Variants in NRXN3 observed in about 807,000 individuals in gnomAD.
NRXN3 encodes the protein neurexin 3.
In NRXN3, 32 loss-of-function variants were observed where a neutral mutation model predicts 137.6. The ratio of observed to expected loss-of-function variants is 0.23; its 90% CI spans 0.18 to 0.31. The LOEUF (loss-of-function observed/expected upper bound fraction) is 0.31, where lower values mean the gene tolerates loss of function less well. Ranked by LOEUF, NRXN3 falls within the 10% of genes least tolerant of loss-of-function variation. NRXN3 has a pLI of 1.00. For missense variants in NRXN3, 1,574 were observed against 2,062.5 expected, an observed-to-expected ratio of 0.76 and a Z score of 4.59; for synonymous variants, 798 against 784.5, an observed-to-expected ratio of 1.02 and a Z score of -0.29.
chr14:79,466,828 G>C, intron 15 of NRXN3, among the ~76,000 whole-genome samples: 2 of 152,106 alleles, frequency 1.3e-5, no homozygotes, highest in East Asian at 3.9e-4. Context: ...ATAAGAGATA[G>C]GGGACTAGTT....
chr14:79,238,990 C>T (rs2073870981), intron 15 of NRXN3, among the ~76,000 whole-genome samples: 1 of 152,070 alleles, frequency 6.6e-6, no homozygotes, highest in African/African-American at 2.4e-5. Flanking sequence ...TACAGAAGCC[C>T]CCACTTTTCC....
chr14:79,471,618 G>A (rs2096508858), intron 16 of NRXN3, among the ~76,000 whole-genome samples: 1 of 152,172 alleles, frequency 6.6e-6, no homozygotes, highest in Non-Finnish European at 1.5e-5. Flanking sequence ...CCTAAAGTCA[G>A]CTCCTGTGAC....
At chr14:79,356,366 G>A (rs1440672308) in intron 15 of NRXN3, among the ~76,000 whole-genome samples, 3 of 152,112 alleles carry the variant, frequency 2.0e-5, no homozygotes, top group Admixed American at 6.5e-5. Context: ...TTTTAATGCC[G>A]CCTGCTGTGT....
chr14:78,610,064 A>C (rs1314480203), intron 4 of NRXN3, among the ~76,000 whole-genome samples: 1 of 151,980 alleles, frequency 6.6e-6, no homozygotes, highest in Non-Finnish European at 1.5e-5. Context: ...GGAGAGAGAG[A>C]AAGAAAGTGA....
At chr14:78,398,379 G>T in intron 4 of NRXN3, among the ~76,000 whole-genome samples, 1 of 151,974 alleles carries the variant, frequency 6.6e-6, no homozygotes, top group East Asian at 1.9e-4. Flanking sequence ...TGAGACTCTG[G>T]GTCTTATTTA....
chr14:79,679,243 C>T (rs1001709330), intron 17 of NRXN3, among the ~76,000 whole-genome samples: 5 of 152,018 alleles, frequency 3.3e-5, no homozygotes, highest in African/African-American at 4.8e-5. Flanking sequence ...TCTCTCTATA[C>T]ACACACACCC....
At chr14:78,876,545 T>C (rs2099114331) in intron 10 of NRXN3, among the ~76,000 whole-genome samples, 1 of 152,206 alleles carries the variant, frequency 6.6e-6, no homozygotes, top group South Asian at 2.1e-4. Context: ...GATGAATATT[T>C]AGACCCAGCA....
At chr14:79,860,974 A>G in intron 20 of NRXN3, 1 of 901,256 alleles carries the variant, frequency 1.1e-6, no homozygotes, top group Non-Finnish European at 1.6e-6. Context: ...TCTGTGAATG[A>G]CGTTGGTTGA....
At chr14:78,852,011 T>C (rs1193466903) in intron 10 of NRXN3, among the ~76,000 whole-genome samples, 1 of 152,154 alleles carries the variant, frequency 6.6e-6, no homozygotes, top group African/African-American at 2.4e-5. Context: ...TCCTTCAAAT[T>C]AAATTATTTT....
At chr14:78,341,874 C>A (rs2082180019) in intron 4 of NRXN3, among the ~76,000 whole-genome samples, 1 of 152,176 alleles carries the variant, frequency 6.6e-6, no homozygotes, top group Non-Finnish European at 1.5e-5. Flanking sequence ...TTTAGGATCC[C>A]TTCTTGAGGG....
intron 6 of NRXN3, among the ~76,000 whole-genome samples, chr14:78,685,810 CTT>C (rs76135969): frequency 4.3e-4 from 57 of 133,720 alleles, no homozygotes; most frequent in East Asian, 6.5e-4. Flanking sequence ...GTTTTTCTTT[CTT>C]TTTTTTTTTT....
intron 15 of NRXN3, among the ~76,000 whole-genome samples, chr14:79,351,377 G>A (rs1599026635): frequency 6.6e-6 from 1 of 152,196 alleles, no homozygotes; most frequent in East Asian, 1.9e-4. Flanking sequence ...GCCAGGATTG[G>A]GTTAACTACT....
intron 15 of NRXN3, among the ~76,000 whole-genome samples, chr14:79,446,553 C>A (rs1429961950): frequency 6.6e-6 from 1 of 152,026 alleles, no homozygotes; most frequent in African/African-American, 2.4e-5. Flanking sequence ...ATTTAGACAT[C>A]ATTTAGCCAG....
At chr14:79,071,216 A>ATT (rs11407318) in intron 15 of NRXN3, among the ~76,000 whole-genome samples, 12 of 151,512 alleles carry the variant, frequency 7.9e-5, no homozygotes, top group South Asian at 6.3e-4. Context: ...GAAGAAACAC[A>ATT]TTTTTTTTAA....
chr14:78,661,602 G>A (rs1216516738), intron 6 of NRXN3, among the ~76,000 whole-genome samples: 2 of 152,326 alleles, frequency 1.3e-5, no homozygotes, highest in Middle Eastern at 3.4e-3. Flanking sequence ...TGTTATCTGA[G>A]GTTGAATTAA....
chr14:79,376,686 C>G (rs1271597989), intron 15 of NRXN3, among the ~76,000 whole-genome samples: 1 of 152,130 alleles, frequency 6.6e-6, no homozygotes. Flanking sequence ...ATTGAAATTT[C>G]AGTTAACATG....
At chr14:79,067,079 G>T (rs8004154) in intron 15 of NRXN3, among the ~76,000 whole-genome samples, 146,573 of 152,240 alleles carry the variant, frequency 0.96, 70,686 homozygotes, top group Middle Eastern at 0.99. Flanking sequence ...CTTTTGCCCT[G>T]CAGTATGATA....
At chr14:79,333,524 T>A (rs985112616) in intron 15 of NRXN3, among the ~76,000 whole-genome samples, 4 of 152,186 alleles carry the variant, frequency 2.6e-5, no homozygotes, top group Non-Finnish European at 5.9e-5. Flanking sequence ...GGTGGAGTTC[T>A]TCTTCCCACC....
intron 4 of NRXN3, among the ~76,000 whole-genome samples, chr14:78,501,945 C>A (rs993402467): frequency 6.6e-6 from 1 of 152,074 alleles, no homozygotes; most frequent in Non-Finnish European, 1.5e-5. Context: ...ATGCAGCCCC[C>A]CCAGGGTCTG....
Sources: allele counts gnomAD v4.1 joint callset (sites outside exome capture counted in the v4.1 genomes callset), GRCh38; gene constraint gnomAD v4.1.1; transcripts MANE v1.5; gene names NCBI Gene and HGNC (gene_info 2026-07-23, HGNC 2026-07-21).